ZDHHC20: variants seen among roughly 807,000 people sequenced by gnomAD.
ZDHHC20 encodes the protein palmitoyltransferase ZDHHC20.
Under a neutral mutation model 57.8 loss-of-function variants are expected in ZDHHC20, and 43 were observed. That is an observed-to-expected ratio of 0.74 (90% confidence interval 0.58 to 0.96). The LOEUF (loss-of-function observed/expected upper bound fraction) is 0.96. ZDHHC20 is among the 40% of genes least tolerant of loss of function. The pLI is 0.00. For synonymous variants in ZDHHC20, 157 were observed against 153.0 expected, an observed-to-expected ratio of 1.03 and a Z score of -0.19; for missense variants, 391 against 441.1, an observed-to-expected ratio of 0.89 and a Z score of 1.02.
rs1339209676 is a variant in ZDHHC20 at position 21,374,147 on chromosome 13, T to C, written c.*2549A>G. On this transcript the variant is annotated 3_prime_UTR_variant, in exon 13 of 13. Transcript: ENST00000400590. ...AGTACCAGGAGAACATTTCTGAAAG[T>C]AGTCAAGTATGTTTTAACATTTATC... is the stretch of plus-strand genomic sequence containing the variant. 2 of 164,340 alleles carry C rather than the reference T, an allele frequency of 1.2e-5. No individual in the cohort carries two copies. The highest frequency in any genetic ancestry group is 2.7e-5 in the Non-Finnish European group (2 of 74,508). The allele number at this position is 164,340 out of a possible 1,614,324, so 10.2% of individuals were successfully genotyped here.
chr13:21,423,915 C>T (rs1322526205), intron 2 of ZDHHC20, among the ~76,000 whole-genome samples: 1 of 151,834 alleles, frequency 6.6e-6, no homozygotes, highest in Non-Finnish European at 1.5e-5. Context: ...TATACACTAT[C>T]ATATAACTTT....
chr13:21,394,511 T>A (rs1333217326), intron 7 of ZDHHC20, among the ~76,000 whole-genome samples: 1 of 152,188 alleles, frequency 6.6e-6, no homozygotes, highest in African/African-American at 2.4e-5. Flanking sequence ...AGAGATATAC[T>A]ACAAGTCTCT....
Position 21,387,605 on chromosome 13 carries a change from C to T in ZDHHC20, c.757G>A (p.Gly253Arg), listed in dbSNP as rs894790613. 7 of 1,490,908 alleles carry T rather than the reference C, an allele frequency of 4.7e-6. No individual in the cohort carries two copies. In the Admixed American group the frequency reaches 1.1e-4, roughly 24 times the overall value. The allele number at this position is 1,490,908 out of a possible 1,614,324, so 92.4% of individuals were successfully genotyped here. A position where few individuals can be genotyped will look rare whatever the true frequency, so the allele number is the denominator to read the frequency against. Residue 253 changes from glycine to arginine, a missense_variant, in exon 9 of 13, where the codon GGA becomes AGA. Gly to Arg is a moderately radical substitution (Grantham distance 125). This residue lies in a region of ZDHHC20 where 197 missense variants were observed against 220.8 expected (regional missense o/e 0.89). Transcript: ENST00000400590. ...ESFRAPTFSYGPDGNGFSLGC... is the reference protein window; with the variant it reads ...ESFRAPTFSYRPDGNGFSLGC... ...AGAGAGAAACCATTTCCATCAGGTCCGTATGAAAACGTGGGTGCGCGGAAT... is the reference window on the plus strand; with the variant it reads ...AGAGAGAAACCATTTCCATCAGGTCTGTATGAAAACGTGGGTGCGCGGAAT...
intron 9 of ZDHHC20, among the ~76,000 whole-genome samples, chr13:21,386,350 A>C (rs1874483104): frequency 6.6e-6 from 1 of 152,214 alleles, no homozygotes; most frequent in South Asian, 2.1e-4. Context: ...AAAACCAGAG[A>C]TCCAAAAAGC....
intron 1 of ZDHHC20, among the ~76,000 whole-genome samples, chr13:21,434,889 A>G (rs1209005912): frequency 6.6e-6 from 1 of 152,140 alleles, no homozygotes; most frequent in Admixed American, 6.5e-5. Context: ...TGCCACTACA[A>G]TGTTGCAATA....
rs565778038 is a variant in ZDHHC20 at position 21,387,660 on chromosome 13, A to G, written c.728-26T>C. ...CTGTTAAATATACATACATATATAA[A>G]CTAATTAATCTATTTAAAAATTATA... On this transcript the variant is annotated intron_variant, in intron 8 of 12. Transcript: ENST00000400590. 4.5e-6 allele frequency: 6 copies of G among 1,322,376 alleles called. No homozygotes were observed. In the South Asian group the frequency reaches 1.2e-4, roughly 26 times the overall value. 81.9% of individuals were successfully genotyped at this position (1,322,376 alleles called of 1,614,324 possible). A position where few individuals can be genotyped will look rare whatever the true frequency, so the allele number is the denominator to read the frequency against.
intron 3 of ZDHHC20, among the ~76,000 whole-genome samples, chr13:21,418,728 C>T (rs1880297173): frequency 6.6e-6 from 1 of 152,174 alleles, no homozygotes; most frequent in African/African-American, 2.4e-5. Flanking sequence ...GGCTGCAGTG[C>T]AGTGGCATGA....
intron 3 of ZDHHC20, among the ~76,000 whole-genome samples, chr13:21,417,877 G>A (rs1215421138): frequency 1.3e-5 from 2 of 152,142 alleles, no homozygotes; most frequent in African/African-American, 4.8e-5. Flanking sequence ...TGAGCTGACA[G>A]AATCCTCCTA....
At chr13:21,455,383 C>T (rs532838693) in intron 1 of ZDHHC20, among the ~76,000 whole-genome samples, 5 of 152,166 alleles carry the variant, frequency 3.3e-5, no homozygotes, top group South Asian at 2.1e-4. Context: ...ACCTTGGGAA[C>T]CAGAATTAGC....
chr13:21,448,079 C>T (rs1188883029), intron 1 of ZDHHC20, among the ~76,000 whole-genome samples: 1,571 of 119,444 alleles, frequency 0.013, no homozygotes, highest in African/African-American at 0.029. Flanking sequence ...GGAGCCCCTC[C>T]GCCCGGCAGC....
At chr13:21,453,301 A>G (rs943810407) in intron 1 of ZDHHC20, among the ~76,000 whole-genome samples, 7 of 152,234 alleles carry the variant, frequency 4.6e-5, no homozygotes, top group African/African-American at 1.7e-4. Context: ...CTAATTACAC[A>G]GATGTAAAAT....
In ZDHHC20 at chr13:21,376,529, C is replaced by A. The variant is rs1593156542; in HGVS notation, c.*167G>T. The A allele has an allele frequency of 2.1e-5, 14 of 675,434 alleles. No homozygotes were observed. In the East Asian group the frequency reaches 4.8e-4, roughly 23 times the overall value. The allele number at this position is 675,434 out of a possible 1,614,324, so 41.8% of individuals were successfully genotyped here. On this transcript the variant is annotated 3_prime_UTR_variant, in exon 13 of 13. Transcript: ENST00000400590. ...TCTGGAGTAGTGCTTCTGTGAATCC[C>A]AGGAACTGTACAAAGGCTTTCCGTT... is the stretch of plus-strand genomic sequence containing the variant.
intron 2 of ZDHHC20, among the ~76,000 whole-genome samples, 195 bp from the exon 3 acceptor site, chr13:21,421,359 T>C (rs1593243006): frequency 2.0e-5 from 3 of 152,324 alleles, no homozygotes; most frequent in South Asian, 2.1e-4. Context: ...TCTGTTCCTA[T>C]ATTTAAGGAT....
chr13:21,459,016 G>GCCCGCGC lies in ZDHHC20; in HGVS notation c.118+31_118+37dup, dbSNP rs759028797. The GCCCGCGC allele has an allele frequency of 1.1e-4, 166 of 1,528,048 alleles. No individual in the cohort carries two copies. The African/African-American group carries it at 2.0e-3, about 19-fold the overall frequency. 94.7% of individuals were successfully genotyped at this position (1,528,048 alleles called of 1,614,324 possible). ...AGGCCTATCTCGCGCCCTAGCCGCG[G>GCCCGCGC]CCCGCGCCCCGCCGCAGTCCCCGGG... is the stretch of plus-strand genomic sequence containing the variant. On this transcript the variant is annotated intron_variant, in intron 1 of 12. Coordinates refer to ENST00000400590, the MANE Select transcript of ZDHHC20 (RefSeq NM_001330059.2).
intron 3 of ZDHHC20, among the ~76,000 whole-genome samples, chr13:21,418,192 AG>A (rs1215281030): frequency 1.3e-5 from 2 of 152,232 alleles, no homozygotes; most frequent in African/African-American, 4.8e-5. Flanking sequence ...ATTAGTAAAC[AG>A]GCAATTACAA....
chr13:21,419,249 T>C (rs546707691), intron 3 of ZDHHC20, among the ~76,000 whole-genome samples: 6 of 152,266 alleles, frequency 3.9e-5, no homozygotes, highest in South Asian at 4.1e-4. Context: ...ATTTGACTTA[T>C]AGTTTACTTT....
intron 1 of ZDHHC20, among the ~76,000 whole-genome samples, chr13:21,448,657 G>T (rs1884120325): frequency 1.0e-5 from 1 of 98,978 alleles, no homozygotes; most frequent in South Asian, 2.9e-4. Flanking sequence ...CCTCTGCCCG[G>T]CTGCCCCTAC....
At chr13:21,381,290 G>A (rs935953012) in intron 11 of ZDHHC20, 144 bp downstream of exon 11, 5 of 704,994 alleles carry the variant, frequency 7.1e-6, no homozygotes, top group Non-Finnish European at 9.2e-6. Context: ...ACAGGCGTGA[G>A]CCACCGCGCC....
intron 8 of ZDHHC20, among the ~76,000 whole-genome samples, chr13:21,390,494 GACA>G (rs1875488768): frequency 1.3e-5 from 2 of 152,152 alleles, no homozygotes; most frequent in Admixed American, 1.3e-4. Context: ...AAGTCTCACT[GACA>G]ACTGACACAA....
Sources: gnomAD v4.1 joint callset for allele counts (sites outside exome capture counted in the v4.1 genomes callset) on GRCh38, gnomAD v4.1.1 for gene constraint, gnomAD v4.1.1 regional missense constraint, MANE v1.5 for transcripts, NCBI Gene and HGNC (gene_info 2026-07-23, HGNC 2026-07-21) for gene names.